Variants in ATF7IP2 observed in about 807,000 individuals in gnomAD.
ATF7IP2 encodes activating transcription factor 7-interacting protein 2.
A neutral mutation model predicts 64.2 loss-of-function variants in ATF7IP2; 42 were observed. The ratio of observed to expected loss-of-function variants is 0.65; its 90% CI spans 0.51 to 0.85. The LOEUF (loss-of-function observed/expected upper bound fraction) is 0.85. ATF7IP2 is among the 40% of genes least tolerant of loss of function. The pLI, the probability that ATF7IP2 is intolerant of heterozygous loss-of-function variation, is 0.00. For missense variants in ATF7IP2, 933 were observed against 784.2 expected, an observed-to-expected ratio of 1.19 and a Z score of -2.27; for synonymous variants, 308 against 272.8, an observed-to-expected ratio of 1.13 and a Z score of -1.27.
intron 12 of ATF7IP2, among the ~76,000 whole-genome samples, chr16:10,476,117 G>A (rs2142089862): frequency 6.6e-6 from 1 of 152,306 alleles, no homozygotes; most frequent in Admixed American, 6.5e-5. Flanking sequence ...AAGGTTGTTT[G>A]TATTAGTTCT....
At chr16:10,435,301 C>A (rs1298896828) in intron 6 of ATF7IP2, among the ~76,000 whole-genome samples, 1 of 152,166 alleles carries the variant, frequency 6.6e-6, no homozygotes, top group African/African-American at 2.4e-5. Flanking sequence ...CGGGTTAATT[C>A]CAGTTAAATT....
At chr16:10,447,862 T>C (rs896262641) in intron 8 of ATF7IP2, 1 of 152,114 alleles carries the variant, frequency 6.6e-6, no homozygotes, top group Non-Finnish European at 1.5e-5. Context: ...AGAGAAACTG[T>C]TCCTAACACC....
At chr16:10,468,632 G>A (rs1477480967) in intron 9 of ATF7IP2, among the ~76,000 whole-genome samples, 1 of 152,190 alleles carries the variant, frequency 6.6e-6, no homozygotes. Context: ...CAGAATTTAT[G>A]AAGTGGAACA....
rs143798055 is a variant in ATF7IP2 at position 10,399,596 on chromosome 16, A to G, written c.-242+13474A>G. On this transcript the variant is annotated intron_variant, in intron 1 of 13. Coordinates refer to ENST00000562102, the MANE Select transcript of ATF7IP2 (RefSeq NM_001393719.1). ...TTTTGATTACCATCAGCTTTGTGTTATAATATTGTTAGAAGTCAGGTAATG... is the reference window on the plus strand; with the variant it reads ...TTTTGATTACCATCAGCTTTGTGTTGTAATATTGTTAGAAGTCAGGTAATG... Among the ~76,000 whole-genome samples, 29 of 152,274 alleles carry G rather than the reference A, an allele frequency of 1.9e-4. No individual in the cohort carries two copies. In the East Asian group the frequency reaches 5.0e-3, roughly 26 times the overall value.
intron 12 of ATF7IP2, among the ~76,000 whole-genome samples, chr16:10,477,163 G>C (rs554191967): frequency 6.6e-6 from 1 of 152,296 alleles, no homozygotes; most frequent in African/African-American, 2.4e-5. Flanking sequence ...ACAACCTACA[G>C]AATGGGAGAA....
At chr16:10,404,607 G>A (rs1030114649) in intron 1 of ATF7IP2, among the ~76,000 whole-genome samples, 6 of 152,100 alleles carry the variant, frequency 3.9e-5, no homozygotes, top group East Asian at 3.9e-4. Flanking sequence ...GCAGTGGCAC[G>A]ATCATGGCTT....
intron 12 of ATF7IP2, among the ~76,000 whole-genome samples, chr16:10,479,995 T>A (rs1212606059): frequency 1.1e-5 from 1 of 94,112 alleles, no homozygotes; most frequent in African/African-American, 5.4e-5. Flanking sequence ...TTTTTTTTTT[T>A]TTTTTTGAGA....
intron 12 of ATF7IP2, 91 bp from the exon 13 acceptor site, chr16:10,480,788 A>G: frequency 1.2e-6 from 1 of 862,552 alleles, no homozygotes; most frequent in Non-Finnish European, 1.9e-6. Flanking sequence ...TTCACATTTA[A>G]TTACCACCAA....
chr16:10,471,920 T>A (rs2049814521), intron 9 of ATF7IP2, 190 bp from the exon 10 acceptor site: 3 of 407,410 alleles, frequency 7.4e-6, no homozygotes, highest in Non-Finnish European at 1.3e-5. Flanking sequence ...GAATCTTTAG[T>A]CATATAACGG....
chr16:10,390,756 T>C (rs1382121254), intron 1 of ATF7IP2, among the ~76,000 whole-genome samples: 1 of 152,036 alleles, frequency 6.6e-6, no homozygotes, highest in Non-Finnish European at 1.5e-5. Flanking sequence ...GCCACTGCAC[T>C]CCAGCTGGGT....
Position 10,482,170 on chromosome 16 carries a change from A to C in ATF7IP2, c.1970A>C (p.Gln657Pro). The change falls in exon 14 of 14, where the codon CAA (glutamine) becomes CCA (proline). Residue 657 changes from glutamine (Q) to proline (P), a missense_variant. Coordinates refer to ENST00000562102, the MANE Select transcript of ATF7IP2 (RefSeq NM_001393719.1). ...TCCAACAGATACTATTTTACTGTCC[A>C]ATCAAAAGATATTTTTGGACGATAT... is the stretch of plus-strand genomic sequence containing the variant. ...LASNRYYFTV[Q>P]SKDIFGRYGP... 6.2e-7 allele frequency: 1 copy of C among 1,613,194 alleles called. No homozygotes were observed. Among genetic ancestry groups the C allele is most frequent in the Non-Finnish European group, 8.5e-7 (1 of 1,179,178 alleles).
intron 1 of ATF7IP2, among the ~76,000 whole-genome samples, chr16:10,397,652 G>A (rs530030741): frequency 1.3e-5 from 2 of 152,096 alleles, no homozygotes; most frequent in East Asian, 1.9e-4. Context: ...CAAAGCGGGT[G>A]AATCGTTTGA....
At chr16:10,392,064 T>TG (rs2047337281) in intron 1 of ATF7IP2, among the ~76,000 whole-genome samples, 1 of 150,284 alleles carries the variant, frequency 6.7e-6, no homozygotes, top group Admixed American at 6.6e-5. Context: ...ATCTTTTTTT[T>TG]TTTTTTTTTG....
At chr16:10,392,833 A>C (rs1012662251) in intron 1 of ATF7IP2, among the ~76,000 whole-genome samples, 5 of 151,356 alleles carry the variant, frequency 3.3e-5, no homozygotes, top group African/African-American at 1.2e-4. Context: ...TAAAAAAAAA[A>C]AAAAATTAGC....
At chr16:10,468,333 A>T (rs1202078598) in intron 9 of ATF7IP2, among the ~76,000 whole-genome samples, 1 of 152,212 alleles carries the variant, frequency 6.6e-6, no homozygotes, top group African/African-American at 2.4e-5. Context: ...TGTTGAGCAT[A>T]AACTGAAAAA....
At chr16:10,404,398 G>A (rs1270169877) in intron 1 of ATF7IP2, among the ~76,000 whole-genome samples, 3 of 152,084 alleles carry the variant, frequency 2.0e-5, no homozygotes, top group Non-Finnish European at 4.4e-5. Context: ...GATTACAGGT[G>A]TGTGCCCCCA....
At chr16:10,391,154 C>G (rs1016808052) in intron 1 of ATF7IP2, among the ~76,000 whole-genome samples, 2 of 93,578 alleles carry the variant, frequency 2.1e-5, no homozygotes, top group African/African-American at 1.0e-4. Context: ...GAGACCCTGT[C>G]TCAAAAAAAA....
chr16:10,411,280 G>A (rs569605766), intron 1 of ATF7IP2, among the ~76,000 whole-genome samples: 1 of 150,902 alleles, frequency 6.6e-6, no homozygotes, highest in Non-Finnish European at 1.5e-5. Context: ...ATAGAGTCAG[G>A]ATTGGTACCA....
Position 10,433,633 on chromosome 16 carries a change from C to G in ATF7IP2, c.944C>G (p.Thr315Arg), listed in dbSNP as rs190799715. The G allele has an allele frequency of 3.0e-4, 490 of 1,613,706 alleles. 4 individuals carry two copies. The East Asian group carries it at 8.4e-3, about 28-fold the overall frequency. The change falls in exon 6 of 14, where the codon ACA becomes AGA. Residue 315 changes from threonine (T) to arginine (R), a missense_variant. Thr to Arg is a moderately conservative substitution (Grantham distance 71). Coordinates refer to ENST00000562102, the MANE Select transcript of ATF7IP2 (RefSeq NM_001393719.1). Reference protein sequence around the residue: ...ENICVSLERQTAFLEQVRHLI... With the variant: ...ENICVSLERQRAFLEQVRHLI... ...ATTTGTGTAAGTTTGGAAAGGCAAA[C>G]AGCATTCCTGGAACAGGTAAAATAT...
Sources: gnomAD v4.1 joint callset for allele counts (sites outside exome capture counted in the v4.1 genomes callset) on GRCh38, gnomAD v4.1.1 for gene constraint, MANE v1.5 for transcripts, NCBI Gene and HGNC (gene_info 2026-07-23, HGNC 2026-07-21) for gene names.